ERI1: variants seen among roughly 807,000 people sequenced by gnomAD.
ERI1 encodes the protein exoribonuclease 1.
Under a neutral mutation model 39.7 loss-of-function variants are expected in ERI1, and 39 were observed. The ratio of observed to expected loss-of-function variants is 0.98; its 90% CI spans 0.76 to 1.28. The LOEUF (loss-of-function observed/expected upper bound fraction) is 1.28, where lower values mean the gene tolerates loss of function less well. Among genes scored for constraint, ERI1 ranks in the 50% most tolerant of loss-of-function variants. ERI1 has a pLI of 0.00. For synonymous variants in ERI1, 204 were observed against 149.6 expected (o/e 1.36, Z -2.65); for missense variants, 581 against 416.9 (o/e 1.39, Z -3.43).
At chr8:9,053,078 G>A (rs1293764848) in intron 3 of ERI1, among the ~76,000 whole-genome samples, 4 of 152,122 alleles carry the variant, frequency 2.6e-5, no homozygotes, top group Non-Finnish European at 1.5e-5. Flanking sequence ...GTGCAATGGC[G>A]CAATCTCAGC....
chr8:9,097,271 T>C (rs763669201), intron 3 of ERI1, among the ~76,000 whole-genome samples: 2 of 152,236 alleles, frequency 1.3e-5, no homozygotes, highest in Non-Finnish European at 2.9e-5. Context: ...TGTTTTTTAT[T>C]CACTCATTAA....
intron 3 of ERI1, among the ~76,000 whole-genome samples, chr8:9,066,859 G>A (rs940749709): frequency 5.3e-5 from 8 of 152,098 alleles, no homozygotes; most frequent in Admixed American, 2.6e-4. Flanking sequence ...TTGCCTCACT[G>A]TTCTGATGTT....
chr8:9,040,006 A>T (rs1313438574), intron 3 of ERI1, among the ~76,000 whole-genome samples: 1 of 151,880 alleles, frequency 6.6e-6, no homozygotes, highest in Admixed American at 6.6e-5. Context: ...GCATCACTAA[A>T]CTCTTTTTGT....
chr8:9,008,372 C>G (rs185088563), intron 2 of ERI1, among the ~76,000 whole-genome samples: 13 of 152,210 alleles, frequency 8.5e-5, no homozygotes, highest in Non-Finnish European at 1.6e-4. Flanking sequence ...TTTTAATGAC[C>G]TACCGGCAAT....
intron 3 of ERI1, among the ~76,000 whole-genome samples, chr8:9,065,128 G>A (rs892163321): frequency 2.0e-4 from 31 of 152,168 alleles, no homozygotes; most frequent in Non-Finnish European, 2.8e-4. Context: ...GCAGGAACCG[G>A]CCATCTGGAT....
intron 6 of ERI1, among the ~76,000 whole-genome samples, chr8:9,026,858 TAAAAAA>T (rs58454617): frequency 1.3e-5 from 2 of 148,258 alleles, no homozygotes; most frequent in Non-Finnish European, 3.0e-5. Context: ...TGTACCACGT[TAAAAAA>T]AAAAAAATCC....
At chr8:9,099,077 C>A (rs985963479) in intron 3 of ERI1, among the ~76,000 whole-genome samples, 1 of 152,118 alleles carries the variant, frequency 6.6e-6, no homozygotes, top group Non-Finnish European at 1.5e-5. Context: ...TCAAATGATC[C>A]ACCTGCCTCA....
At chr8:9,081,476 G>A (rs985010356) in intron 3 of ERI1, among the ~76,000 whole-genome samples, 5 of 152,024 alleles carry the variant, frequency 3.3e-5, no homozygotes, top group African/African-American at 1.2e-4. Context: ...TTTTTAAAGT[G>A]GATGCTGGAA....
intron 6 of ERI1, among the ~76,000 whole-genome samples, chr8:9,023,858 G>C (rs1390845547): frequency 7.2e-6 from 1 of 139,184 alleles, no homozygotes; most frequent in East Asian, 2.1e-4. Context: ...GAGTGCAGTG[G>C]CATGATCTCA....
At chr8:9,061,917 G>A (rs1284680826) in intron 3 of ERI1, among the ~76,000 whole-genome samples, 3 of 151,936 alleles carry the variant, frequency 2.0e-5, no homozygotes, top group African/African-American at 7.3e-5. Flanking sequence ...AGTAAAGAAA[G>A]CATGTTTGAG....
intron 3 of ERI1, among the ~76,000 whole-genome samples, chr8:9,012,955 C>G (rs1005009228): frequency 1.3e-5 from 2 of 152,096 alleles, no homozygotes; most frequent in South Asian, 2.1e-4. Context: ...CATCATTCCA[C>G]TAAAATCACT....
chr8:9,075,504 A>G (rs1554440117), intron 3 of ERI1, among the ~76,000 whole-genome samples: 2 of 129,786 alleles, frequency 1.5e-5, no homozygotes, highest in Admixed American at 1.5e-4. Flanking sequence ...TTTTTTTGCA[A>G]TGCTTTATTT....
chr8:9,060,653 T>A (rs1408264875), intron 3 of ERI1, among the ~76,000 whole-genome samples: 1 of 151,602 alleles, frequency 6.6e-6, no homozygotes, highest in African/African-American at 2.4e-5. Flanking sequence ...TTCCTTGGTC[T>A]AAGAACCATT....
intron 3 of ERI1, among the ~76,000 whole-genome samples, chr8:9,088,987 T>A (rs143066867): frequency 2.6e-5 from 4 of 152,312 alleles, no homozygotes; most frequent in African/African-American, 9.6e-5. Flanking sequence ...TACAGTGTTA[T>A]GTGGTGGCCT....
At chr8:9,099,421 C>T (rs916051070) in intron 3 of ERI1, among the ~76,000 whole-genome samples, 10 of 151,658 alleles carry the variant, frequency 6.6e-5, no homozygotes, top group African/African-American at 1.9e-4. Flanking sequence ...TATAGTGAGA[C>T]TTTGTTTCTA....
At chr8:9,027,929 G>C (rs1008339777) in intron 6 of ERI1, among the ~76,000 whole-genome samples, 4 of 152,074 alleles carry the variant, frequency 2.6e-5, no homozygotes, top group Admixed American at 2.0e-4. Flanking sequence ...ATCCTACTTG[G>C]TCATGGCACA....
At chr8:9,014,586 C>G (rs1240324399) in intron 3 of ERI1, among the ~76,000 whole-genome samples, 1 of 152,192 alleles carries the variant, frequency 6.6e-6, no homozygotes, top group Non-Finnish European at 1.5e-5. Flanking sequence ...GTATAGTTCT[C>G]TCTAGCATTC....
intron 3 of ERI1, among the ~76,000 whole-genome samples, chr8:9,080,586 G>T (rs369392119): frequency 6.6e-6 from 1 of 152,214 alleles, no homozygotes; most frequent in Non-Finnish European, 1.5e-5. Flanking sequence ...TTTTCCTGCA[G>T]GTTTTCACAA....
chr8:9,066,115 CTTCA>C (rs1441179608), intron 3 of ERI1, among the ~76,000 whole-genome samples: 2 of 152,206 alleles, frequency 1.3e-5, no homozygotes, highest in African/African-American at 4.8e-5. Flanking sequence ...GCTCTAGCTT[CTTCA>C]TTCATCTCCA....
Sources: allele counts gnomAD v4.1 joint callset (sites outside exome capture counted in the v4.1 genomes callset), GRCh38; gene constraint gnomAD v4.1.1; transcripts MANE v1.5; gene names NCBI Gene and HGNC (gene_info 2026-07-23, HGNC 2026-07-21).